The following AKAP6 variants were observed in gnomAD, a reference collection of about 807,000 sequenced individuals.
The protein encoded by AKAP6 is A-kinase anchoring protein 6.
Under a neutral mutation model 188.5 loss-of-function variants are expected in AKAP6, and 58 were observed. The observed-to-expected ratio is 0.31, with a 90% CI of 0.25 to 0.38. The LOEUF (loss-of-function observed/expected upper bound fraction) is 0.38. AKAP6 is among the 10% of genes least tolerant of loss of function. AKAP6 has a pLI of 1.00. For missense variants in AKAP6, 2,710 were observed against 2,740.0 expected (o/e 0.99, Z 0.24); for synonymous variants, 989 against 998.6 (o/e 0.99, Z 0.18).
At chr14:32,699,914 G>C (rs1280579084) in intron 9 of AKAP6, among the ~76,000 whole-genome samples, 1 of 152,216 alleles carries the variant, frequency 6.6e-6, no homozygotes, top group African/African-American at 2.4e-5. Flanking sequence ...TACGACGCCA[G>C]AATTCATAAT....
At chr14:32,563,736 T>C (rs1480215359) in intron 4 of AKAP6, among the ~76,000 whole-genome samples, 1 of 150,610 alleles carries the variant, frequency 6.6e-6, no homozygotes, top group Admixed American at 6.7e-5. Context: ...CTTCCTGCCT[T>C]GTCAGATGAT....
intron 11 of AKAP6, among the ~76,000 whole-genome samples, chr14:32,749,144 T>C (rs924479757): frequency 1.3e-5 from 2 of 152,210 alleles, no homozygotes; most frequent in African/African-American, 4.8e-5. Context: ...CCCTATGACC[T>C]AGGACTTTCA....
At chr14:32,624,457 A>T (rs557218920) in intron 7 of AKAP6, among the ~76,000 whole-genome samples, 1 of 152,264 alleles carries the variant, frequency 6.6e-6, no homozygotes, top group Non-Finnish European at 1.5e-5. Context: ...CAGTCTCCTA[A>T]AGAGAAAATA....
intron 11 of AKAP6, among the ~76,000 whole-genome samples, chr14:32,743,418 C>G (rs1361605288): frequency 6.6e-6 from 1 of 151,826 alleles, no homozygotes; most frequent in African/African-American, 2.4e-5. Context: ...TATTTGTTTC[C>G]TCATTGTTTT....
At chr14:32,780,343 GA>G (rs1555361888) in intron 12 of AKAP6, among the ~76,000 whole-genome samples, 2 of 151,322 alleles carry the variant, frequency 1.3e-5, no homozygotes, top group South Asian at 2.1e-4. Flanking sequence ...AATCTAAAAA[GA>G]AAAAAAGAAA....
At chr14:32,505,548 A>G (rs905637243) in intron 2 of AKAP6, among the ~76,000 whole-genome samples, 13 of 152,182 alleles carry the variant, frequency 8.5e-5, no homozygotes, top group African/African-American at 3.1e-4. Context: ...AATAAGAACA[A>G]TGCTGTGCCA....
intron 2 of AKAP6, among the ~76,000 whole-genome samples, chr14:32,470,493 G>A (rs1402990995): frequency 1.3e-5 from 2 of 152,094 alleles, no homozygotes; most frequent in Non-Finnish European, 2.9e-5. Context: ...CTGTCGTTAG[G>A]GCTCACATCA....
Position 32,548,093 on chromosome 14 carries a change from C to CTT in AKAP6, c.2346+1114_2346+1115dup, listed in dbSNP as rs71115082. 2.6e-3 allele frequency among the ~76,000 whole-genome samples: 273 copies of CTT among 104,214 alleles called. 5 individuals are homozygous for CTT. The highest frequency in any genetic ancestry group is 9.2e-3 in the African/African-American group (251 of 27,146). The allele number at this position is 104,214 out of a possible 152,430, so 68.4% of individuals were successfully genotyped here. ...ATGGTATGCAACGCTCTCCCACATG[C>CTT]TTTTTTTTTTTTTTTTTTTTTCCTC... is the stretch of plus-strand genomic sequence containing the variant. On this transcript the variant is annotated intron_variant, in intron 4 of 13. Coordinates refer to ENST00000280979, the MANE Select transcript of AKAP6 (RefSeq NM_004274.5).
At position 32,546,668 on chromosome 14, in the gene AKAP6, C is replaced by T; in HGVS notation, c.2015C>T (p.Ser672Phe). The T allele has an allele frequency of 6.2e-7, 1 of 1,614,132 alleles. No homozygotes were observed. The highest frequency in any genetic ancestry group is 8.5e-7 in the Non-Finnish European group (1 of 1,180,012). ...TIQNIDDWEL[S>F]EMNSDSEIYP... is the part of the protein sequence containing the mutation. Reference sequence around the variant, plus strand: ...CAGAATATTGATGACTGGGAACTGTCTGAAATGAATTCAGATTCTGAAATC... The same window carrying T: ...CAGAATATTGATGACTGGGAACTGTTTGAAATGAATTCAGATTCTGAAATC... Residue 672 changes from serine (S) to phenylalanine (F), a missense_variant, in exon 4 of 14, where the codon TCT (serine) becomes TTT (phenylalanine). Ser to Phe is a radical substitution (Grantham distance 155). Coordinates refer to ENST00000280979, the MANE Select transcript of AKAP6 (RefSeq NM_004274.5).
chr14:32,728,200 ATTTTTTTTTTTTTTTTT>A (rs3033287), intron 9 of AKAP6, among the ~76,000 whole-genome samples: 2 of 71,064 alleles, frequency 2.8e-5, no homozygotes, highest in Admixed American at 2.0e-4. Flanking sequence ...ACATCCCTGG[ATTTTTTTTTTTTTTTTT>A]TTTTTTTTTT....
intron 9 of AKAP6, among the ~76,000 whole-genome samples, chr14:32,721,243 A>G (rs2030519268): frequency 1.3e-5 from 2 of 151,852 alleles, no homozygotes; most frequent in Non-Finnish European, 2.9e-5. Flanking sequence ...GTAGATTTTC[A>G]ATGTAATATA....
chr14:32,378,039 CTT>C (rs980919296), intron 1 of AKAP6, among the ~76,000 whole-genome samples: 2 of 152,036 alleles, frequency 1.3e-5, no homozygotes, highest in African/African-American at 4.8e-5. Flanking sequence ...GAAAGAGAGT[CTT>C]GAGAATCAGA....
chr14:32,459,587 T>C (rs1390463227), intron 2 of AKAP6, among the ~76,000 whole-genome samples: 2 of 107,814 alleles, frequency 1.9e-5, no homozygotes, highest in Non-Finnish European at 4.0e-5. Flanking sequence ...GGCATACATA[T>C]AAGAAAAAAA....
chr14:32,749,534 C>T (rs2032043963), intron 11 of AKAP6, among the ~76,000 whole-genome samples: 1 of 152,152 alleles, frequency 6.6e-6, no homozygotes, highest in Non-Finnish European at 1.5e-5. Context: ...TCAGCACAGA[C>T]ACTGGCCCAA....
intron 3 of AKAP6, among the ~76,000 whole-genome samples, chr14:32,542,619 A>G (rs1367894359): frequency 6.6e-6 from 1 of 152,176 alleles, no homozygotes; most frequent in Non-Finnish European, 1.5e-5. Context: ...GTTAAGGGGT[A>G]TAGGTTGGAA....
intron 12 of AKAP6, among the ~76,000 whole-genome samples, chr14:32,803,292 C>A (rs2300853): frequency 0.54 from 59,469 of 109,318 alleles, 12,637 homozygotes; most frequent in South Asian, 0.6. Context: ...AAAAAAAAAA[C>A]AAAACAAATA....
chr14:32,650,992 T>C (rs924481125), intron 7 of AKAP6, among the ~76,000 whole-genome samples: 1 of 152,162 alleles, frequency 6.6e-6, no homozygotes, highest in Non-Finnish European at 1.5e-5. Context: ...AGGAAAAAAG[T>C]ATCCATGATA....
rs1878856508 is a variant in AKAP6, at chr14:32,472,871, T to C, written c.324+39054T>C. ...GAACTTAAAGGTCGTGAAAATAGAA[T>C]ATAATGGCTGTTTGTATTAAAGGAA... On this transcript the variant is annotated intron_variant, in intron 2 of 13. Transcript: ENST00000280979. Among the ~76,000 whole-genome samples the C allele has an allele frequency of 4.6e-5, 7 of 151,204 alleles. No individual in the cohort carries two copies. In the Admixed American group the frequency reaches 4.6e-4, roughly 10 times the overall value.
chr14:32,808,939 T>C (rs950671535), intron 12 of AKAP6, among the ~76,000 whole-genome samples: 6 of 152,224 alleles, frequency 3.9e-5, no homozygotes, highest in Non-Finnish European at 8.8e-5. Context: ...CAGGGAGCAC[T>C]AATGCTCTAG....
Sources: allele counts gnomAD v4.1 joint callset (sites outside exome capture counted in the v4.1 genomes callset), GRCh38; gene constraint gnomAD v4.1.1; transcripts MANE v1.5; gene names NCBI Gene and HGNC (gene_info 2026-07-23, HGNC 2026-07-21).